Variants in LRRC61 observed in about 807,000 individuals in gnomAD.
LRRC61 encodes leucine-rich repeat-containing protein 61.
In LRRC61, 9 loss-of-function variants were observed where a neutral mutation model predicts 15.1. The ratio of observed to expected loss-of-function variants is 0.60; its 90% CI spans 0.36 to 1.04. The LOEUF is 1.04. Among genes scored for constraint, LRRC61 ranks in the 50% least tolerant of loss-of-function variants. The pLI is 0.01. For missense variants in LRRC61, 344 were observed against 335.6 expected (o/e 1.03, Z -0.20); for synonymous variants, 173 against 158.6 (o/e 1.09, Z -0.68).
chr7:150,332,218 G>C (rs552142111), intron 2 of LRRC61: 2 of 167,182 alleles, frequency 1.2e-5, no homozygotes, highest in African/African-American at 4.8e-5. Flanking sequence ...CTTTAGGGCA[G>C]AGCTGAGGGC....
Position 150,336,258 on chromosome 7 carries a change from A to C in LRRC61, c.-144-460A>C, listed in dbSNP as rs138454695. ...TGCAGTAATACTGAGTGAATCAAAC[A>C]AGGCACATGTGCTCTCGTTTGCATT... On this transcript the variant is annotated intron_variant, in intron 2 of 2. Coordinates refer to ENST00000359623, the MANE Select transcript of LRRC61 (RefSeq NM_001142928.2). 6.7e-3 allele frequency among the ~76,000 whole-genome samples: 1,019 copies of C among 152,354 alleles called. 13 individuals carry two copies. The highest frequency in any genetic ancestry group is 0.023 in the African/African-American group (971 of 41,586).
Position 150,337,209 on chromosome 7 carries a change from G to A in LRRC61, c.348G>A (p.Gln116=). The change falls in exon 3 of 3, where the codon CAG becomes CAA. Residue 116 remains glutamine, a synonymous_variant. Coordinates refer to ENST00000359623, the MANE Select transcript of LRRC61 (RefSeq NM_001142928.2). ...GNLLATPGQL[Q]CLAGLPCLEY... ...TACTGGCCACCCCGGGCCAGCTGCA[G>A]TGTCTGGCTGGGCTACCGTGCCTGG... The A allele has an allele frequency of 6.2e-7, 1 of 1,605,938 alleles. No homozygotes were observed. The highest frequency in any genetic ancestry group is 8.5e-7 in the Non-Finnish European group (1 of 1,179,920).
chr7:150,313,073 A>G, the LRRC61 span, among the ~76,000 whole-genome samples: 1 of 152,034 alleles, frequency 6.6e-6, no homozygotes, highest in African/African-American at 2.4e-5. Flanking sequence ...TCTCCCCACC[A>G]TGCACCCCGT....
chr7:150,319,896 G>A (rs547700853), upstream of LRRC61, among the ~76,000 whole-genome samples: 3 of 152,184 alleles, frequency 2.0e-5, no homozygotes, highest in African/African-American at 4.8e-5. Flanking sequence ...CTAGCAAAAC[G>A]AGATGATTTT....
chr7:150,338,061 C>T lies in LRRC61; in HGVS notation c.*420C>T. ...GGACTCCCCTGCCTTGCAAATGTGC[C>T]TCTCCAGACTGCTCCTGCACTTACC... On this transcript the variant is annotated 3_prime_UTR_variant, in exon 3 of 3. Coordinates refer to ENST00000359623, the MANE Select transcript of LRRC61 (RefSeq NM_001142928.2). 2.3e-6 allele frequency: 1 copy of T among 432,250 alleles called. No homozygotes were observed. The highest frequency in any genetic ancestry group is 4.3e-6 in the Non-Finnish European group (1 of 231,668). 26.8% of individuals were successfully genotyped at this position (432,250 alleles called of 1,614,324 possible).
rs1283807616 is a variant in LRRC61, at chr7:150,326,719, C to A, written c.-145+709C>A. Among the ~76,000 whole-genome samples the A allele has an allele frequency of 3.3e-5, 5 of 151,884 alleles. No homozygotes were observed. The East Asian group carries it at 9.6e-4, about 29-fold the overall frequency. ...AAAAAAATACTTTGGAGGGTGACCCCGTTCTGCAGATGGCCTCTGGAGGCC... is the reference window on the plus strand; with the variant it reads ...AAAAAAATACTTTGGAGGGTGACCCAGTTCTGCAGATGGCCTCTGGAGGCC... On this transcript the variant is annotated intron_variant, in intron 2 of 2. Transcript: ENST00000359623.
the LRRC61 span, among the ~76,000 whole-genome samples, chr7:150,312,701 T>C: frequency 6.6e-6 from 1 of 152,198 alleles, no homozygotes; most frequent in Non-Finnish European, 1.5e-5. Context: ...CAGTCCCTGG[T>C]CATAGTTGAA....
chr7:150,318,218 T>G, the LRRC61 span, among the ~76,000 whole-genome samples: 1 of 152,194 alleles, frequency 6.6e-6, no homozygotes, highest in Non-Finnish European at 1.5e-5. Context: ...TTGTTTTGTC[T>G]GTGCTCAGAG....
chr7:150,324,180 T>C (rs2129618037), intron 1 of LRRC61, among the ~76,000 whole-genome samples: 1 of 152,244 alleles, frequency 6.6e-6, no homozygotes, highest in African/African-American at 2.4e-5. Context: ...TGGAGGAAGA[T>C]GAGACTTGAG....
chr7:150,314,349 T>TA, the LRRC61 span, among the ~76,000 whole-genome samples: 1 of 152,186 alleles, frequency 6.6e-6, no homozygotes, highest in East Asian at 1.9e-4. Flanking sequence ...CATTTTTCCT[T>TA]AAACTATTAA....
chr7:150,324,792 A>G (rs1378041152), intron 1 of LRRC61, among the ~76,000 whole-genome samples: 1 of 152,046 alleles, frequency 6.6e-6, no homozygotes, highest in Admixed American at 6.5e-5. Flanking sequence ...TTAGGGACAG[A>G]GCCAAGCCTT....
chr7:150,312,033 G>A, the LRRC61 span, among the ~76,000 whole-genome samples: 1 of 152,224 alleles, frequency 6.6e-6, no homozygotes, highest in Non-Finnish European at 1.5e-5. Context: ...GGCCAAGGCT[G>A]AGGTCATTCA....
chr7:150,333,264 A>T lies in LRRC61; in HGVS notation c.-144-3454A>T, dbSNP rs1167909044. Among the ~76,000 whole-genome samples, 4 of 152,208 alleles carry T rather than the reference A, an allele frequency of 2.6e-5. No homozygotes were observed. Among genetic ancestry groups the T allele is most frequent in the African/African-American group, 9.6e-5 (4 of 41,462 alleles). On this transcript the variant is annotated intron_variant, in intron 2 of 2. Coordinates refer to ENST00000359623, the MANE Select transcript of LRRC61 (RefSeq NM_001142928.2). The surrounding 1 kb of genome is among the most constrained non-coding windows in gnomAD (Gnocchi z 4.3). ...CTTGGGCTCTAGAACCTTCACTTTCATCTAGGCGCAGTTTTGTCCCCCAGT... is the reference window on the plus strand; with the variant it reads ...CTTGGGCTCTAGAACCTTCACTTTCTTCTAGGCGCAGTTTTGTCCCCCAGT...
At chr7:150,323,214 TA>T (rs1272568589), upstream of LRRC61, 3 of 233,686 alleles carry the variant, frequency 1.3e-5, no homozygotes, top group East Asian at 5.5e-4. Flanking sequence ...GCACCGCAGG[TA>T]GGAGGAACGT....
At position 150,337,702 on chromosome 7, in the gene LRRC61, T is replaced by C; in HGVS notation, c.*61T>C. The C allele has an allele frequency of 6.8e-7, 1 of 1,479,200 alleles. No homozygotes were observed. Among genetic ancestry groups the C allele is most frequent in the Admixed American group, 2.4e-5 (1 of 41,704 alleles). The allele number at this position is 1,479,200 out of a possible 1,614,324, so 91.6% of individuals were successfully genotyped here. ...CCTCGCTGCCCCCAGTTCCCCTCTC[T>C]GCCCCCACACTCGTCTTAGTTGCTT... is the stretch of plus-strand genomic sequence containing the variant. On this transcript the variant is annotated 3_prime_UTR_variant, in exon 3 of 3. Transcript: ENST00000359623.
chr7:150,320,615 T>C (rs763176978), upstream of LRRC61, among the ~76,000 whole-genome samples: 1 of 152,046 alleles, frequency 6.6e-6, no homozygotes, highest in Non-Finnish European at 1.5e-5. Context: ...ATATAAAAAT[T>C]AGCCAGGTAA....
In LRRC61 at chr7:150,330,777, A is replaced by C; in HGVS notation, c.-145+4767A>C. 3 of 1,613,814 alleles carry C rather than the reference A, an allele frequency of 1.9e-6. No homozygotes were observed. The highest frequency in any genetic ancestry group is 2.5e-6 in the Non-Finnish European group (3 of 1,179,994). The stretch of plus-strand genomic sequence containing the variant: ...TTTGAACTCCCCAAGTCCCCTGCAA[A>C]GCCCCAGGGGTCTGTGCGTGGACCC... On this transcript the variant is annotated intron_variant, in intron 2 of 2. Coordinates refer to ENST00000359623, the MANE Select transcript of LRRC61 (RefSeq NM_001142928.2). The surrounding 1 kb of genome is among the most constrained non-coding windows in gnomAD (Gnocchi z 4.6).
chr7:150,312,306 G>C, the LRRC61 span, among the ~76,000 whole-genome samples: 11 of 152,246 alleles, frequency 7.2e-5, no homozygotes, highest in African/African-American at 2.6e-4. Flanking sequence ...AGGAGACAAA[G>C]ATTATTTTAC....
chr7:150,336,093 C>CG (rs1345937035), intron 2 of LRRC61, among the ~76,000 whole-genome samples: 13 of 152,364 alleles, frequency 8.5e-5, no homozygotes, highest in Admixed American at 2.6e-4. Flanking sequence ...CCAGCCTTCC[C>CG]TGTCCCTTCA....
Sources: gnomAD v4.1 joint callset for allele counts (sites outside exome capture counted in the v4.1 genomes callset) on GRCh38, gnomAD v4.1.1 for gene constraint, Gnocchi (gnomAD v3.1) non-coding constraint, MANE v1.5 for transcripts, NCBI Gene and HGNC (gene_info 2026-07-23, HGNC 2026-07-21) for gene names.